STRIP1: variants seen among roughly 807,000 people sequenced by gnomAD.
STRIP1 encodes striatin interacting protein 1, also known as striatin-interacting protein 1.
In STRIP1, 63 loss-of-function variants were observed where a neutral mutation model predicts 106.2. That is an observed-to-expected ratio of 0.59 (90% CI 0.48 to 0.73). STRIP1 has a LOEUF of 0.73. STRIP1 is among the 30% of genes least tolerant of loss of function. The pLI is 0.00. For missense variants in STRIP1, 857 were observed against 1,074.8 expected (o/e 0.80, Z 2.83); for synonymous variants, 390 against 413.0 (o/e 0.94, Z 0.67).
In STRIP1 at chr1:110,039,054, T is replaced by C. The variant is rs191045281; in HGVS notation, c.326-118T>C. ...CAGCAGTATGATCTTACCACTTACA[T>C]AGGGTGTAACTTATCTTTCTGGTCC... is the stretch of plus-strand genomic sequence containing the variant. On this transcript the variant is annotated intron_variant, in intron 3 of 20. Coordinates refer to ENST00000369795, the MANE Select transcript of STRIP1 (RefSeq NM_033088.4). 1.1e-5 allele frequency: 13 copies of C among 1,159,030 alleles called. No individual in the cohort carries two copies. In the East Asian group the frequency reaches 1.4e-4, roughly 13 times the overall value. The allele number at this position is 1,159,030 out of a possible 1,614,324, so 71.8% of individuals were successfully genotyped here.
chr1:110,048,991 G>T, intron 15 of STRIP1, 121 bp from the exon 16 acceptor site: 3 of 1,160,528 alleles, frequency 2.6e-6, no homozygotes, highest in Non-Finnish European at 3.7e-6. Context: ...AGATGTCCTT[G>T]GGGTGAGTGG....
Position 110,035,601 on chromosome 1 carries a change from T to G in STRIP1, c.180+784T>G, listed in dbSNP as rs544838924. 8.5e-5 allele frequency among the ~76,000 whole-genome samples: 13 copies of G among 152,236 alleles called. No homozygotes were observed. In the South Asian group the frequency reaches 2.1e-3, roughly 24 times the overall value. ...AAGTTAAGGAATTCCTCCCACTGCCTCCTTTTGCAGAATTCATGAATGAAG... is the reference window on the plus strand; with the variant it reads ...AAGTTAAGGAATTCCTCCCACTGCCGCCTTTTGCAGAATTCATGAATGAAG... On this transcript the variant is annotated intron_variant, in intron 1 of 20. Transcript: ENST00000369795.
chr1:110,048,825 C>G (rs1052335048), intron 15 of STRIP1, among the ~76,000 whole-genome samples: 1 of 152,118 alleles, frequency 6.6e-6, no homozygotes, highest in Non-Finnish European at 1.5e-5. Flanking sequence ...GCAGCAGAAG[C>G]TTAGGGGAGA....
At chr1:110,033,179 T>A (rs545361093), upstream of STRIP1, among the ~76,000 whole-genome samples, 53 of 152,328 alleles carry the variant, frequency 3.5e-4, no homozygotes, top group African/African-American at 1.3e-3. Flanking sequence ...CCTGCCTTCC[T>A]TGGGCAGCAT....
In STRIP1 at chr1:110,044,821, T is replaced by C. The variant is rs767564763; in HGVS notation, c.1287-19T>C. 2.5e-6 allele frequency: 4 copies of C among 1,612,668 alleles called. No individual in the cohort carries two copies. Among genetic ancestry groups the C allele is most frequent in the Non-Finnish European group, 3.4e-6 (4 of 1,178,856 alleles). ...GCTAAAAACCTTTTTTCTTTCTCTCTTTTTTGGTGATGTGGCAGAGAGAAA... is the reference window on the plus strand; with the variant it reads ...GCTAAAAACCTTTTTTCTTTCTCTCCTTTTTGGTGATGTGGCAGAGAGAAA... On this transcript the variant is annotated intron_variant, in intron 10 of 20. Transcript: ENST00000369795.
In STRIP1 at chr1:110,053,816, G is replaced by A; in HGVS notation, c.2418G>A (p.Arg806=). The part of the protein sequence containing the change: ...DNCLQSVLGQ[R]VDLPEDFQMN... Reference sequence around the variant, plus strand: ...GCCTGCAGAGTGTCCTGGGCCAACGGGTGGACCTCCCTGAGGACTTTCAGA... The same window carrying A: ...GCCTGCAGAGTGTCCTGGGCCAACGAGTGGACCTCCCTGAGGACTTTCAGA... Residue 806 remains arginine, a synonymous_variant, in exon 21 of 21, where the codon CGG becomes CGA. Coordinates refer to ENST00000369795, the MANE Select transcript of STRIP1 (RefSeq NM_033088.4). The A allele has an allele frequency of 6.2e-7, 1 of 1,614,146 alleles. No individual in the cohort carries two copies. The highest frequency in any genetic ancestry group is 8.5e-7 in the Non-Finnish European group (1 of 1,180,014).
In STRIP1 at chr1:110,034,660, C is replaced by T. The variant is rs1258854630; in HGVS notation, c.23C>T (p.Pro8Leu). Residue 8 changes from proline to leucine, a missense_variant, in exon 1 of 21, where the codon CCG becomes CTG. Pro to Leu is a moderately conservative substitution (Grantham distance 98, BLOSUM62 -3). This residue lies in a region of STRIP1 where 107 missense variants were observed against 85.1 expected (regional missense o/e 1.26). Transcript: ENST00000369795. MEPAVGG[P>L]GPLIVNNKQP... ...AAGATGGAGCCGGCAGTCGGCGGTC[C>T]GGGCCCACTGATCGTGAACAACAAA... 5.3e-6 allele frequency: 8 copies of T among 1,522,068 alleles called. No homozygotes were observed. Among genetic ancestry groups the T allele is most frequent in the Middle Eastern group, 1.8e-4 (1 of 5,514 alleles). The allele number at this position is 1,522,068 out of a possible 1,614,324, so 94.3% of individuals were successfully genotyped here. A position where few individuals can be genotyped will look rare whatever the true frequency, so the allele number is the denominator to read the frequency against.
In STRIP1 at chr1:110,039,152, A is replaced by C. The variant is rs771701506; in HGVS notation, c.326-20A>C. 1 of 1,613,348 alleles carries C rather than the reference A, an allele frequency of 6.2e-7. No homozygotes were observed. The highest frequency in any genetic ancestry group is 1.1e-5 in the South Asian group (1 of 91,038). On this transcript the variant is annotated intron_variant, in intron 3 of 20. Transcript: ENST00000369795. ...GAGGATTTTTCTAGGCTCAGGTGTA[A>C]CTGGTTTCTTGCCCTGCAGTGACAG...
At chr1:110,051,570 G>C (rs1345399626) in intron 19 of STRIP1, 113 bp from the exon 20 acceptor site, 7 of 1,063,456 alleles carry the variant, frequency 6.6e-6, no homozygotes, top group African/African-American at 3.1e-5. Context: ...GGGAAACTGG[G>C]ATGGTTTGTC....
intron 16 of STRIP1, 104 bp from the exon 17 acceptor site, chr1:110,049,356 C>A: frequency 1.3e-6 from 2 of 1,563,442 alleles, no homozygotes; most frequent in South Asian, 1.1e-5. Context: ...CATGAATGTT[C>A]TAAGACATGG....
At position 110,051,851 on chromosome 1, in the gene STRIP1, C is replaced by T. The variant is rs1557797200; in HGVS notation, c.2230C>T (p.Arg744Trp). The T allele has an allele frequency of 4.3e-6, 7 of 1,612,984 alleles. No homozygotes were observed. Among genetic ancestry groups the T allele is most frequent in the Non-Finnish European group, 5.9e-6 (7 of 1,179,956 alleles). Reference sequence around the variant, plus strand: ...CATGTCTGCCATCTACCAGAAGGTGCGGCATCGGCTGAACGACGACTGGGC... The same window carrying T: ...CATGTCTGCCATCTACCAGAAGGTGTGGCATCGGCTGAACGACGACTGGGC... Reference protein sequence around the residue: ...KTMSAIYQKVRHRLNDDWAYG... With the variant: ...KTMSAIYQKVWHRLNDDWAYG... Residue 744 changes from arginine to tryptophan, a missense_variant, in exon 20 of 21, where the codon CGG (arginine) becomes TGG (tryptophan). This residue lies in a region of STRIP1 where 750 missense variants were observed against 989.8 expected (regional missense o/e 0.76). Transcript: ENST00000369795.
intron 18 of STRIP1, 25 bp from the exon 19 acceptor site, chr1:110,050,930 TG>T: frequency 1.5e-6 from 2 of 1,356,268 alleles, no homozygotes; most frequent in South Asian, 1.2e-5. Flanking sequence ...CCATGAGGGC[TG>T]ATTGTTCCTG....
Position 110,054,017 on chromosome 1 carries a change from A to G in STRIP1, c.*105A>G. 1 of 1,417,706 alleles carries G rather than the reference A, an allele frequency of 7.1e-7. No individual in the cohort carries two copies. The highest frequency in any genetic ancestry group is 1.8e-5 in the Admixed American group (1 of 56,190). The allele number at this position is 1,417,706 out of a possible 1,614,324, so 87.8% of individuals were successfully genotyped here. On this transcript the variant is annotated 3_prime_UTR_variant, in exon 21 of 21. Coordinates refer to ENST00000369795, the MANE Select transcript of STRIP1 (RefSeq NM_033088.4). Reference sequence around the variant, plus strand: ...GTGCTCCCATCCCCCACCAGGTGGCAGCACAGCCCCACTGTGTCTTCCGCA... The same window carrying G: ...GTGCTCCCATCCCCCACCAGGTGGCGGCACAGCCCCACTGTGTCTTCCGCA...
At chr1:110,043,601 C>A in intron 9 of STRIP1, 38 bp from the exon 10 acceptor site, 1 of 1,570,644 alleles carries the variant, frequency 6.4e-7, no homozygotes, top group South Asian at 1.1e-5. Context: ...TCTGCGTCCT[C>A]AGTTGGCTCT....
chr1:110,045,087 CTTTGGGTGAGCT>C lies in STRIP1; in HGVS notation c.1416+15_1416+26del, dbSNP rs1409189964. ...TCAAGACTCTGAAACAGGTGAGTGG[CTTTGGGTGAGCT>C]TTTGGCTTGTTTGGTCCTAAGTGAG... On this transcript the variant is annotated intron_variant, in intron 12 of 20. Transcript: ENST00000369795. The C allele has an allele frequency of 6.2e-7, 1 of 1,613,756 alleles. No individual in the cohort carries two copies. Among genetic ancestry groups the C allele is most frequent in the Non-Finnish European group, 8.5e-7 (1 of 1,179,732 alleles).
Position 110,044,906 on chromosome 1 carries a change from G to A in STRIP1, c.1352+1G>A, listed in dbSNP as rs767929769. On this transcript the variant is annotated splice_donor_variant, in intron 11 of 20. Transcript: ENST00000369795. LOFTEE classifies it high-confidence loss of function. ...AATTTATAGGTTACACTCTAGGCAG[G>A]TGAGTAAAAGCCGAGTTCATTTTGC... The A allele has an allele frequency of 6.2e-7, 1 of 1,614,102 alleles. No individual in the cohort carries two copies. Among genetic ancestry groups the A allele is most frequent in the Non-Finnish European group, 8.5e-7 (1 of 1,180,046 alleles).
chr1:110,044,877 A>C lies in STRIP1; in HGVS notation c.1324A>C (p.Ser442Arg). The part of the protein sequence containing the change: ...DIEMFLESSR[S>R]KFIGYTLGSD... ...TGAGATGTTCCTTGAGTCCAGCCGC[A>C]GCAAATTTATAGGTTACACTCTAGG... Residue 442 changes from serine (S) to arginine (R), a missense_variant, in exon 11 of 21, where the codon AGC becomes CGC. Ser to Arg is a moderately radical substitution (Grantham distance 110). Around this residue, in one of 2 missense-constraint regions of STRIP1, gnomAD observed 750 missense variants for 989.8 expected, o/e 0.76. Coordinates refer to ENST00000369795, the MANE Select transcript of STRIP1 (RefSeq NM_033088.4). 1 of 1,614,212 alleles carries C rather than the reference A, an allele frequency of 6.2e-7. No homozygotes were observed. Among genetic ancestry groups the C allele is most frequent in the Non-Finnish European group, 8.5e-7 (1 of 1,180,042 alleles).
chr1:110,044,350 G>A (rs1214630143), intron 10 of STRIP1, among the ~76,000 whole-genome samples: 1 of 152,202 alleles, frequency 6.6e-6, no homozygotes, highest in Admixed American at 6.5e-5. Flanking sequence ...GAACATGTGA[G>A]AGGATATAGA....
At chr1:110,044,246 G>T (rs1353049262) in intron 10 of STRIP1, among the ~76,000 whole-genome samples, 1 of 152,252 alleles carries the variant, frequency 6.6e-6, no homozygotes, top group African/African-American at 2.4e-5. Flanking sequence ...TAATGAAAAT[G>T]TTTGAGATAT....
Sources: allele counts gnomAD v4.1 joint callset (sites outside exome capture counted in the v4.1 genomes callset), GRCh38; gene constraint gnomAD v4.1.1; regional missense constraint gnomAD v4.1.1; transcripts MANE v1.5; gene names NCBI Gene and HGNC (gene_info 2026-07-23, HGNC 2026-07-21).